The following UBR4 variants were observed in gnomAD, a reference collection of about 807,000 sequenced individuals.
The protein encoded by UBR4 is ubiquitin protein ligase E3 component n-recognin 4.
A neutral mutation model predicts 575.6 loss-of-function variants in UBR4; 124 were observed. The ratio of observed to expected loss-of-function variants is 0.22; its 90% CI spans 0.19 to 0.25. The LOEUF is 0.25. Ranked by LOEUF, UBR4 falls within the 10% of genes least tolerant of loss-of-function variation. The pLI, the probability that UBR4 is intolerant of heterozygous loss-of-function variation, is 1.00. For missense variants in UBR4, 4,818 were observed against 6,478.8 expected (o/e 0.74, Z 8.80); for synonymous variants, 2,455 against 2,473.7 (o/e 0.99, Z 0.22).
Position 19,197,818 on chromosome 1 carries a change from GA to G in UBR4, c.752-8del, listed in dbSNP as rs747059334. 1 of 1,613,970 alleles carries G rather than the reference GA, an allele frequency of 6.2e-7. No homozygotes were observed. The highest frequency in any genetic ancestry group is 8.5e-7 in the Non-Finnish European group (1 of 1,179,964). ...AGTAGCTTCTCCGAGCCACCTAAAT[GA>G]ATGAAAACCACAACCTTACAAACAG... On this transcript the variant is annotated splice_polypyrimidine_tract_variant and splice_region_variant and intron_variant, in intron 6 of 105. Transcript: ENST00000375254.
chr1:19,140,964 C>T, intron 57 of UBR4, 72 bp from the exon 58 acceptor site: 1 of 1,473,008 alleles, frequency 6.8e-7, no homozygotes, highest in South Asian at 1.2e-5. Context: ...TGGCCACCTG[C>T]TGCCCTCAAG....
At chr1:19,126,783 G>A in intron 63 of UBR4, 128 bp from the exon 64 acceptor site, 1 of 974,406 alleles carries the variant, frequency 1.0e-6, no homozygotes, top group South Asian at 1.7e-5. Flanking sequence ...AGTGAATCAG[G>A]CTCTTGCACT....
intron 91 of UBR4, 139 bp from the exon 92 acceptor site, chr1:19,096,789 A>C: frequency 7.8e-7 from 1 of 1,274,142 alleles, no homozygotes; most frequent in Non-Finnish European, 1.1e-6. Flanking sequence ...CGGCCAATAA[A>C]AGGGGTCAAT....
intron 47 of UBR4, 35 bp from the exon 48 acceptor site, chr1:19,151,894 A>G: frequency 2.0e-6 from 3 of 1,522,984 alleles, no homozygotes; most frequent in Non-Finnish European, 2.6e-6. Context: ...AAGAAACTAC[A>G]GAAGTTCTTA....
chr1:19,166,714 CAAAAAAAAAAAAAAAAAAAAAAAA>C (rs535369262), intron 29 of UBR4, among the ~76,000 whole-genome samples: 884 of 73,752 alleles, frequency 0.012, 23 homozygotes, highest in East Asian at 0.096. Context: ...CCATCTCTAC[CAAAAAAAAAAAAAAAAAAAAAAAA>C]AAAAAAAAAA....
At chr1:19,133,732 G>A (rs1271278158) in intron 60 of UBR4, among the ~76,000 whole-genome samples, 1 of 151,896 alleles carries the variant, frequency 6.6e-6, no homozygotes, top group African/African-American at 2.4e-5. Context: ...AGGATCACTT[G>A]AGGCCAGGAG....
At position 19,110,830 on chromosome 1, in the gene UBR4, T is replaced by C. The variant is rs1463965461; in HGVS notation, c.11804A>G (p.Asp3935Gly). The C allele has an allele frequency of 1.3e-5, 21 of 1,614,006 alleles. No homozygotes were observed. The highest frequency in any genetic ancestry group is 1.7e-5 in the Non-Finnish European group (20 of 1,179,972). Residue 3935 changes from aspartate (D) to glycine (G), a missense_variant and splice_region_variant, in exon 79 of 106, where the codon GAC becomes GGC. By Grantham distance (94) the Asp-to-Gly change is moderately conservative (BLOSUM62 -1). This residue lies in a region of UBR4 where 333 missense variants were observed against 459.2 expected (regional missense o/e 0.73). Coordinates refer to ENST00000375254, the MANE Select transcript of UBR4 (RefSeq NM_020765.3). This position sits in a 1 kb window ranked among gnomAD's most constrained non-coding sequence, Gnocchi z 4.5. ...CATCTGTTGGGTGGCTTCTGGGTTG[T>C]CTCTGCAGAAGCAAATAGAAATGGA... ...VRQLMCLLTR[D>G]NPEATQQMND... is the part of the protein sequence containing the mutation.
At chr1:19,113,478 T>C (rs2080138900) in intron 77 of UBR4, 2 of 624,512 alleles carry the variant, frequency 3.2e-6, no homozygotes, top group Non-Finnish European at 5.3e-6. Flanking sequence ...ATCACCAGTA[T>C]GTTCAGTTAT....
At chr1:19,087,701 T>G in intron 99 of UBR4, 115 bp downstream of exon 99, 1 of 743,608 alleles carries the variant, frequency 1.3e-6, no homozygotes, top group Non-Finnish European at 2.2e-6. Flanking sequence ...TCTCCTAAGA[T>G]GCAGGCCTTG....
chr1:19,199,798 T>C (rs1181551261), intron 2 of UBR4, 44 bp from the exon 3 acceptor site: 1 of 1,557,298 alleles, frequency 6.4e-7, no homozygotes. Flanking sequence ...CTGCTCAGCG[T>C]TGGTCAATAA....
At chr1:19,205,707 A>T (rs2092973287) in intron 1 of UBR4, among the ~76,000 whole-genome samples, 3 of 151,646 alleles carry the variant, frequency 2.0e-5, no homozygotes, top group South Asian at 2.1e-4. Context: ...TCAAAAGATC[A>T]CAGCATTAGT....
At chr1:19,190,594 A>G (rs181715296) in intron 11 of UBR4, among the ~76,000 whole-genome samples, 18 of 152,042 alleles carry the variant, frequency 1.2e-4, no homozygotes, top group Admixed American at 1.0e-3. Flanking sequence ...TTCCCATTCA[A>G]CCCACTCCTA....
intron 60 of UBR4, among the ~76,000 whole-genome samples, chr1:19,134,086 TAAAAAAAAAA>T (rs71030132): frequency 3.8e-5 from 2 of 52,524 alleles, no homozygotes; most frequent in East Asian, 6.8e-4. Flanking sequence ...ACTCTGTCTC[TAAAAAAAAAA>T]AAAAAAAAAA....
At chr1:19,075,654 G>A (rs2148340579) in intron 105 of UBR4, 1 of 152,944 alleles carries the variant, frequency 6.5e-6, no homozygotes, top group Admixed American at 6.5e-5. Context: ...AGCTTCCGCT[G>A]AGGACACTGC....
rs567509843 is a variant in UBR4, at chr1:19,074,613, T to C, written c.*219A>G. The C allele has an allele frequency of 1.7e-5, 10 of 597,130 alleles. No individual in the cohort carries two copies. In the Admixed American group the frequency reaches 2.5e-4, roughly 15 times the overall value. 37.0% of individuals were successfully genotyped at this position (597,130 alleles called of 1,614,324 possible). ...GGCTCCTAGGTATGTACAGGCCCTT[T>C]GATGGCTTGGGTTACAGACAACCTC... On this transcript the variant is annotated 3_prime_UTR_variant, in exon 106 of 106. Coordinates refer to ENST00000375254, the MANE Select transcript of UBR4 (RefSeq NM_020765.3).
chr1:19,158,852 C>A (rs2086842073), intron 39 of UBR4, among the ~76,000 whole-genome samples: 1 of 152,012 alleles, frequency 6.6e-6, no homozygotes, highest in Admixed American at 6.6e-5. Context: ...TTAAAAATAG[C>A]CAACTTTGGC....
chr1:19,075,708 G>C (rs768252692), intron 105 of UBR4, among the ~76,000 whole-genome samples: 7 of 152,200 alleles, frequency 4.6e-5, no homozygotes, highest in Admixed American at 6.5e-5. Context: ...TGGGAAAATC[G>C]GTCAGCTGGC....
At position 19,148,068 on chromosome 1, in the gene UBR4, A is replaced by T. The variant is rs2085114913; in HGVS notation, c.7554T>A (p.Pro2518=). The part of the protein sequence containing the change: ...LATLLLSLPA[P]ASVQQQSKSL... ...TCTTGGACTGCTGCTGGACACTGGC[A>T]GGTGCTGGCAGGGACAACAGCAAAG... The change falls in exon 51 of 106, where the codon CCT becomes CCA. Residue 2518 remains proline (P), a synonymous_variant. Transcript: ENST00000375254. 1.9e-6 allele frequency: 3 copies of T among 1,611,842 alleles called. No individual in the cohort carries two copies. Among genetic ancestry groups the T allele is most frequent in the Middle Eastern group, 3.3e-4 (2 of 6,052 alleles).
chr1:19,150,127 C>T (rs1400310328), intron 49 of UBR4, among the ~76,000 whole-genome samples: 1 of 152,174 alleles, frequency 6.6e-6, no homozygotes, highest in Non-Finnish European at 1.5e-5. Context: ...GACTCTGCTA[C>T]AAGAGGCAGC....
Sources: gnomAD v4.1 joint callset for allele counts (sites outside exome capture counted in the v4.1 genomes callset) on GRCh38, gnomAD v4.1.1 for gene constraint, gnomAD v4.1.1 regional missense constraint, Gnocchi (gnomAD v3.1) non-coding constraint, MANE v1.5 for transcripts, NCBI Gene and HGNC (gene_info 2026-07-23, HGNC 2026-07-21) for gene names.